Variants in GOLGB1 observed in about 807,000 individuals in gnomAD.
The protein encoded by GOLGB1 is golgin B1, also known as golgin subfamily B member 1.
In GOLGB1, 174 loss-of-function variants were observed where a neutral mutation model predicts 336.9. That is an observed-to-expected ratio of 0.52 (90% confidence interval 0.46 to 0.59). The LOEUF (loss-of-function observed/expected upper bound fraction) is 0.59. Ranked by LOEUF, GOLGB1 falls within the 20% of genes least tolerant of loss-of-function variation. The pLI, the probability that GOLGB1 is intolerant of heterozygous loss-of-function variation, is 0.00. For missense variants in GOLGB1, 3,331 were observed against 3,645.3 expected (o/e 0.91, Z 2.22); for synonymous variants, 1,208 against 1,289.2 (o/e 0.94, Z 1.35).
chr3:121,706,616 C>T lies in GOLGB1; in HGVS notation c.1405-4021G>A, dbSNP rs536142394. On this transcript the variant is annotated intron_variant, in intron 10 of 21. Transcript: ENST00000614479. The stretch of plus-strand genomic sequence containing the variant: ...AGGCGTGGTGGCGGTTGCCTGTAAT[C>T]CAAGCTACATGGGAGGCTGAGGCAG... 7.3e-5 allele frequency among the ~76,000 whole-genome samples: 11 copies of T among 151,050 alleles called. No homozygotes were observed. The South Asian group carries it at 2.3e-3, about 32-fold the overall frequency.
chr3:121,671,780 C>A (rs1939570416), intron 17 of GOLGB1, among the ~76,000 whole-genome samples: 1 of 152,116 alleles, frequency 6.6e-6, no homozygotes, highest in Non-Finnish European at 1.5e-5. Flanking sequence ...TAATCAACTT[C>A]TCTTCATTCC....
intron 14 of GOLGB1, among the ~76,000 whole-genome samples, chr3:121,683,090 C>T (rs1248451938): frequency 3.5e-5 from 2 of 57,306 alleles, no homozygotes; most frequent in East Asian, 5.4e-4. Flanking sequence ...TTTGGAGAGA[C>T]GGAGTCTCAG....
chr3:121,674,193 C>A, intron 17 of GOLGB1, among the ~76,000 whole-genome samples: 1 of 151,380 alleles, frequency 6.6e-6, no homozygotes. Context: ...ATATCATCTG[C>A]AAAAAAGGCT....
chr3:121,734,042 T>G (rs1436045892), intron 1 of GOLGB1, among the ~76,000 whole-genome samples: 1 of 152,130 alleles, frequency 6.6e-6, no homozygotes, highest in Non-Finnish European at 1.5e-5. Flanking sequence ...GATTAAAAAT[T>G]TATCAAAACA....
Position 121,690,823 on chromosome 3 carries a change from C to A in GOLGB1, c.8541G>T (p.Gln2847His). 2 of 1,610,164 alleles carry A rather than the reference C, an allele frequency of 1.2e-6. No individual in the cohort carries two copies. The highest frequency in any genetic ancestry group is 1.7e-6 in the Non-Finnish European group (2 of 1,178,290). ...CATTCCACAGGTGATCTCTCTCATT[C>A]TGCAGACTGGCCATAGCCTTGGAAA... ...QSFSKAMASL[Q>H]NERDHLWNEL... Residue 2847 changes from glutamine (Q) to histidine (H), a missense_variant, in exon 14 of 22, where the codon CAG becomes CAT. Coordinates refer to ENST00000614479, the MANE Select transcript of GOLGB1 (RefSeq NM_001366282.2).
At chr3:121,704,994 A>AG (rs1943696948) in intron 10 of GOLGB1, among the ~76,000 whole-genome samples, 2 of 152,180 alleles carry the variant, frequency 1.3e-5, no homozygotes, top group African/African-American at 4.8e-5. Context: ...ATCATCAGAG[A>AG]GGAAAGGGCA....
chr3:121,749,873 C>T (rs1175396798), upstream of GOLGB1: 2 of 152,518 alleles, frequency 1.3e-5, no homozygotes, highest in African/African-American at 4.8e-5. Flanking sequence ...AACCAATCAA[C>T]GACAGAAGAT....
At chr3:121,747,153 TATATATATATATATA>T in intron 1 of GOLGB1, among the ~76,000 whole-genome samples, 1 of 20,326 alleles carries the variant, frequency 4.9e-5, no homozygotes. Flanking sequence ...ATGGATGTTA[TATATATATATATATA>T]TATATATATA....
In GOLGB1 at chr3:121,675,240, C is replaced by G. The variant is rs918545258; in HGVS notation, c.9177+1653G>C. On this transcript the variant is annotated intron_variant, in intron 17 of 21. Coordinates refer to ENST00000614479, the MANE Select transcript of GOLGB1 (RefSeq NM_001366282.2). ...TCACACTTTAAGTGGAATTACATAT[C>G]TCAATAAAGGTGTTAAAAAACACAA... Among the ~76,000 whole-genome samples, 6 of 152,314 alleles carry G rather than the reference C, an allele frequency of 3.9e-5. No homozygotes were observed. The East Asian group carries it at 1.2e-3, about 29-fold the overall frequency.
Position 121,719,759 on chromosome 3 carries a change from T to TG in GOLGB1, c.657dup (p.Met220HisfsTer13). 6.2e-7 allele frequency: 1 copy of TG among 1,605,102 alleles called. No homozygotes were observed. The highest frequency in any genetic ancestry group is 2.3e-5 in the East Asian group (1 of 43,942). On this transcript the variant is annotated frameshift_variant, in exon 7 of 22. Coordinates refer to ENST00000614479, the MANE Select transcript of GOLGB1 (RefSeq NM_001366282.2). LOFTEE classifies it high-confidence loss of function. ...TCTTTCTCTCGGACCACCTGCTGCATGGAACTCAACTGAAGACACATACCA... is the reference window on the plus strand; with the variant it reads ...TCTTTCTCTCGGACCACCTGCTGCATGGGAACTCAACTGAAGACACATACCA...
At chr3:121,702,352 C>T in intron 11 of GOLGB1, 129 bp downstream of exon 11, 2 of 399,452 alleles carry the variant, frequency 5.0e-6, no homozygotes, top group South Asian at 7.9e-5. Flanking sequence ...TGATAGTTAC[C>T]AGCTCTATTA....
Position 121,669,265 on chromosome 3 carries a change from C to T in GOLGB1, c.9268G>A (p.Asp3090Asn). 1 of 1,614,006 alleles carries T rather than the reference C, an allele frequency of 6.2e-7. No individual in the cohort carries two copies. Among genetic ancestry groups the T allele is most frequent in the African/African-American group, 1.3e-5 (1 of 75,052 alleles). The change falls in exon 18 of 22, where the codon GAC becomes AAC. Residue 3090 changes from aspartate (D) to asparagine (N), a missense_variant. By Grantham distance (23) the Asp-to-Asn change is conservative (BLOSUM62 1). Coordinates refer to ENST00000614479, the MANE Select transcript of GOLGB1 (RefSeq NM_001366282.2). ...AAGACTGCACAGTGATTTAAAAGGT[C>T]ACCATAGTGCTGCTGGTTCTCACGA... ...SLRENQQHYG[D>N]LLNHCAVLEK...
rs750412867 is a variant in GOLGB1, at chr3:121,698,378, A to T, written c.2145T>A (p.Asn715Lys). 5 of 1,613,604 alleles carry T rather than the reference A, an allele frequency of 3.1e-6. No individual in the cohort carries two copies. The highest frequency in any genetic ancestry group is 4.2e-6 in the Non-Finnish European group (5 of 1,179,836). ...TAATTTCCTTAGCTTTCTCATCTAA[A>T]TTTTTCTCATAGATTTCTTGTGCTT... is the stretch of plus-strand genomic sequence containing the variant. Reference protein sequence around the residue: ...FHKAQEIYEKNLDEKAKEISN... With the variant: ...FHKAQEIYEKKLDEKAKEISN... The change falls in exon 13 of 22, where the codon AAT becomes AAA. Residue 715 changes from asparagine to lysine, a missense_variant. Physicochemically the swap from Asn to Lys is moderately conservative, Grantham distance 94. Coordinates refer to ENST00000614479, the MANE Select transcript of GOLGB1 (RefSeq NM_001366282.2).
intron 15 of GOLGB1, among the ~76,000 whole-genome samples, chr3:121,678,866 T>C (rs1940733751): frequency 6.6e-6 from 1 of 152,162 alleles, no homozygotes; most frequent in Non-Finnish European, 1.5e-5. Context: ...ATGAATTTAT[T>C]AAGGCAGCAT....
At chr3:121,736,198 C>A (rs552844091) in intron 1 of GOLGB1, among the ~76,000 whole-genome samples, 31 of 152,246 alleles carry the variant, frequency 2.0e-4, no homozygotes, top group African/African-American at 6.5e-4. Flanking sequence ...TATGTAGATA[C>A]GTCCCCCTCT....
At chr3:121,689,240 C>T (rs1430684067) in intron 14 of GOLGB1, among the ~76,000 whole-genome samples, 5 of 152,268 alleles carry the variant, frequency 3.3e-5, no homozygotes, top group African/African-American at 4.8e-5. Context: ...ATTGAGAAAT[C>T]GGATGGTTGC....
At chr3:121,681,613 T>G in intron 15 of GOLGB1, 74 bp downstream of exon 15, 1 of 1,076,616 alleles carries the variant, frequency 9.3e-7, no homozygotes, top group South Asian at 1.5e-5. Context: ...TGCACTATTT[T>G]CCCAAATCTA....
Position 121,696,457 on chromosome 3 carries a change from A to C in GOLGB1, c.4066T>G (p.Leu1356Val). The C allele has an allele frequency of 6.2e-7, 1 of 1,613,964 alleles. No homozygotes were observed. ...QLQEQINKQGLEIESLKTVSH... is the reference protein window; with the variant it reads ...QLQEQINKQGVEIESLKTVSH... ...ACTGTCTTTAGACTCTCGATTTCTA[A>C]ACCCTGTTTATTTATCTGCTCTTGT... Residue 1356 changes from leucine (L) to valine (V), a missense_variant, in exon 13 of 22, where the codon TTA becomes GTA. By Grantham distance (32) the Leu-to-Val change is conservative. Coordinates refer to ENST00000614479, the MANE Select transcript of GOLGB1 (RefSeq NM_001366282.2).
At chr3:121,739,951 C>G (rs1056318437) in intron 1 of GOLGB1, among the ~76,000 whole-genome samples, 1 of 152,060 alleles carries the variant, frequency 6.6e-6, no homozygotes, top group Admixed American at 6.6e-5. Context: ...TGAAAAAAAG[C>G]CAGTCCCAAA....
Sources: gnomAD v4.1 joint callset for allele counts (sites outside exome capture counted in the v4.1 genomes callset) on GRCh38, gnomAD v4.1.1 for gene constraint, MANE v1.5 for transcripts, NCBI Gene and HGNC (gene_info 2026-07-23, HGNC 2026-07-21) for gene names.